Variants in ANKS1B observed in about 807,000 individuals in gnomAD.
ANKS1B encodes the protein ankyrin repeat and sterile alpha motif domain containing 1B, also known as ankyrin repeat and sterile alpha motif domain-containing protein 1B.
In ANKS1B, 36 loss-of-function variants were observed where a neutral mutation model predicts 148.3. The observed-to-expected ratio is 0.24, with a 90% CI of 0.19 to 0.32. ANKS1B has a LOEUF of 0.32. Ranked by LOEUF, ANKS1B falls within the 10% of genes least tolerant of loss-of-function variation. The pLI is 1.00. For missense variants in ANKS1B, 1,157 were observed against 1,542.6 expected (o/e 0.75, Z 4.19); for synonymous variants, 542 against 560.8 (o/e 0.97, Z 0.47).
At chr12:99,463,996 G>A (rs2096045869) in intron 10 of ANKS1B, among the ~76,000 whole-genome samples, 1 of 152,174 alleles carries the variant, frequency 6.6e-6, no homozygotes, top group Non-Finnish European at 1.5e-5. Flanking sequence ...CCCCAAGTGG[G>A]TCCCTGACCC....
intron 9 of ANKS1B, among the ~76,000 whole-genome samples, chr12:99,647,581 G>A (rs976225716): frequency 7.9e-5 from 12 of 152,078 alleles, no homozygotes; most frequent in Admixed American, 2.0e-4. Flanking sequence ...GGTTGGTGGC[G>A]GGGTAGTGGT....
chr12:99,133,528 G>C (rs2066882977), intron 15 of ANKS1B, among the ~76,000 whole-genome samples: 1 of 152,094 alleles, frequency 6.6e-6, no homozygotes, highest in African/African-American at 2.4e-5. Context: ...AATATTGTTG[G>C]CATCATAACT....
rs543206469 is a variant in ANKS1B at position 99,039,180 on chromosome 12, G to T, written c.2778+13977C>A. ...TCTAGGCATACTGGGCCCTCACAAAGATATATAGAGTGTGGACTACCTTTC... is the reference window on the plus strand; with the variant it reads ...TCTAGGCATACTGGGCCCTCACAAATATATATAGAGTGTGGACTACCTTTC... On this transcript the variant is annotated intron_variant, in intron 17 of 26. Transcript: ENST00000683438. Among the ~76,000 whole-genome samples, 9 of 152,344 alleles carry T rather than the reference G, an allele frequency of 5.9e-5. No individual in the cohort carries two copies. The East Asian group carries it at 1.7e-3, about 29-fold the overall frequency.
chr12:99,648,333 C>T, intron 9 of ANKS1B: 1 of 1,614,162 alleles, frequency 6.2e-7, no homozygotes, highest in Non-Finnish European at 8.5e-7. Flanking sequence ...TTATCCAGAT[C>T]AGCAAAAGAG....
At chr12:99,046,585 G>C (rs2099962500) in intron 17 of ANKS1B, among the ~76,000 whole-genome samples, 1 of 151,772 alleles carries the variant, frequency 6.6e-6, no homozygotes, top group African/African-American at 2.4e-5. Context: ...GGATCACAAG[G>C]TCAGGAGATG....
intron 15 of ANKS1B, among the ~76,000 whole-genome samples, chr12:99,085,378 A>T (rs2051312481): frequency 6.8e-6 from 1 of 146,394 alleles, no homozygotes; most frequent in Non-Finnish European, 1.5e-5. Context: ...ATAAAAAAAG[A>T]TCCAAAAAAA....
At chr12:99,793,061 G>T (rs891200263) in intron 4 of ANKS1B, among the ~76,000 whole-genome samples, 3 of 151,642 alleles carry the variant, frequency 2.0e-5, no homozygotes, top group Non-Finnish European at 4.4e-5. Flanking sequence ...AGTAAACAAT[G>T]TGAAAAAGAA....
At chr12:99,082,880 T>C (rs1346374191) in intron 16 of ANKS1B, among the ~76,000 whole-genome samples, 1 of 152,166 alleles carries the variant, frequency 6.6e-6, no homozygotes, top group African/African-American at 2.4e-5. Context: ...TATCTATTTT[T>C]ATGAACCAGG....
At chr12:99,045,696 TG>T (rs1205318500) in intron 17 of ANKS1B, among the ~76,000 whole-genome samples, 2 of 152,170 alleles carry the variant, frequency 1.3e-5, no homozygotes, top group African/African-American at 4.8e-5. Context: ...AAAGTCCAGA[TG>T]AATATATTAA....
intron 17 of ANKS1B, among the ~76,000 whole-genome samples, chr12:98,979,805 A>C (rs1013327098): frequency 1.3e-5 from 2 of 152,100 alleles, no homozygotes; most frequent in African/African-American, 2.4e-5. Flanking sequence ...GTTTGTAGTC[A>C]CACCAAATTT....
chr12:98,818,540 TTA>T (rs2099160403), intron 19 of ANKS1B, among the ~76,000 whole-genome samples: 1 of 152,206 alleles, frequency 6.6e-6, no homozygotes, highest in Non-Finnish European at 1.5e-5. Flanking sequence ...ATCATGCTGT[TTA>T]TAGCAATATG....
At chr12:99,439,941 T>G (rs2095522793) in intron 11 of ANKS1B, among the ~76,000 whole-genome samples, 1 of 151,812 alleles carries the variant, frequency 6.6e-6, no homozygotes, top group African/African-American at 2.4e-5. Flanking sequence ...CATAGTATAT[T>G]AATCCAATGG....
At chr12:99,449,939 CTATCTATCT>C (rs1419355538) in intron 10 of ANKS1B, among the ~76,000 whole-genome samples, 1 of 105,470 alleles carries the variant, frequency 9.5e-6, no homozygotes, top group African/African-American at 3.9e-5. Flanking sequence ...ATCTATCTAT[CTATCTATCT>C]AGACAAAGAT....
At chr12:99,494,311 C>A (rs1284476669) in intron 10 of ANKS1B, among the ~76,000 whole-genome samples, 4 of 151,938 alleles carry the variant, frequency 2.6e-5, no homozygotes, top group Non-Finnish European at 5.9e-5. Flanking sequence ...ATTGAGAGCA[C>A]GGGAATAAAG....
At chr12:99,344,707 T>C (rs143257729) in intron 12 of ANKS1B, among the ~76,000 whole-genome samples, 73 of 152,188 alleles carry the variant, frequency 4.8e-4, no homozygotes, top group African/African-American at 1.6e-3. Flanking sequence ...ATAACAGAAT[T>C]ATCTTTTGCA....
intron 8 of ANKS1B, among the ~76,000 whole-genome samples, chr12:99,736,750 G>A (rs2059651120): frequency 6.6e-6 from 1 of 152,038 alleles, no homozygotes; most frequent in South Asian, 2.1e-4. Flanking sequence ...TCAACAGAGT[G>A]GAGAGACAAC....
chr12:98,786,056 C>T (rs905169252), intron 22 of ANKS1B, among the ~76,000 whole-genome samples: 4 of 152,152 alleles, frequency 2.6e-5, no homozygotes, highest in African/African-American at 9.7e-5. Flanking sequence ...ATGGAGACCT[C>T]TGAGTACATA....
chr12:99,133,020 G>A (rs1035974830), intron 15 of ANKS1B, among the ~76,000 whole-genome samples: 3 of 131,846 alleles, frequency 2.3e-5, no homozygotes, highest in Admixed American at 2.2e-4. Context: ...ATGGCAACAT[G>A]GTTTTTTTTT....
At chr12:99,504,332 T>G (rs2096685318) in intron 10 of ANKS1B, 144 bp downstream of exon 10, 1 of 853,036 alleles carries the variant, frequency 1.2e-6, no homozygotes, top group African/African-American at 1.7e-5. Flanking sequence ...TGGACTCACT[T>G]CAAAATGAAA....
Sources: gnomAD v4.1 joint callset for allele counts (sites outside exome capture counted in the v4.1 genomes callset) on GRCh38, gnomAD v4.1.1 for gene constraint, MANE v1.5 for transcripts, NCBI Gene and HGNC (gene_info 2026-07-23, HGNC 2026-07-21) for gene names.